Variants in SLIT3 observed in about 807,000 individuals in gnomAD.
The protein encoded by SLIT3 is slit homolog 3 protein.
A neutral mutation model predicts 184.0 loss-of-function variants in SLIT3; 68 were observed. That is an observed-to-expected ratio of 0.37 (90% CI 0.30 to 0.45). The LOEUF is 0.45. Ranked by LOEUF, SLIT3 falls within the 20% of genes least tolerant of loss-of-function variation. The probability of loss-of-function intolerance (pLI) is 1.00; values close to 1 mark genes in which losing one functional copy is unlikely to be tolerated. For synonymous variants in SLIT3, 831 were observed against 828.6 expected (o/e 1.00, Z -0.05); for missense variants, 1,707 against 2,026.0 (o/e 0.84, Z 3.02).
Position 168,774,366 on chromosome 5 carries a change from G to A in SLIT3, c.1164C>T (p.Ala388=). The A allele has an allele frequency of 4.3e-6, 7 of 1,612,156 alleles. No individual in the cohort carries two copies. The highest frequency in any genetic ancestry group is 5.9e-6 in the Non-Finnish European group (7 of 1,179,282). Residue 388 remains alanine, a synonymous_variant, in exon 13 of 36, where the codon GCC becomes GCT. Transcript: ENST00000519560. ...TCACCCGCAGGCAGTTGATCTTGTT[G>A]GCATTGAGGAGGCTGCAAACAGAAG... The part of the protein sequence containing the change: ...LVSLQLLLLN[A]NKINCLRVNT...
intron 4 of SLIT3, among the ~76,000 whole-genome samples, chr5:169,140,588 G>C (rs190739428): frequency 1.0e-4 from 15 of 150,662 alleles, no homozygotes; most frequent in Admixed American, 8.6e-4. Context: ...AGGATCACTT[G>C]AGGCCAGGAG....
chr5:168,911,126 C>T (rs1761238317), intron 4 of SLIT3, among the ~76,000 whole-genome samples: 1 of 152,204 alleles, frequency 6.6e-6, no homozygotes, highest in African/African-American at 2.4e-5. Flanking sequence ...CCTCTCTCTG[C>T]CCCTTACCCT....
intron 4 of SLIT3, among the ~76,000 whole-genome samples, chr5:168,972,470 C>T (rs1307198104): frequency 6.6e-6 from 1 of 151,604 alleles, no homozygotes; most frequent in African/African-American, 2.4e-5. Context: ...TGCTTTAGGG[C>T]CACCTTGGTG....
At chr5:168,851,644 A>T (rs1194846092) in intron 5 of SLIT3, among the ~76,000 whole-genome samples, 2 of 151,992 alleles carry the variant, frequency 1.3e-5, no homozygotes, top group African/African-American at 4.8e-5. Flanking sequence ...AGGGTTTTAT[A>T]CCTCGGTGGC....
At chr5:169,066,942 G>GAAAAAAAAAAA (rs60977256) in intron 4 of SLIT3, among the ~76,000 whole-genome samples, 1 of 80,440 alleles carries the variant, frequency 1.2e-5, no homozygotes. Context: ...TCCCTTTCCT[G>GAAAAAAAAAAA]AAAAAAAAAA....
At chr5:168,986,408 G>T (rs1166288170) in intron 4 of SLIT3, among the ~76,000 whole-genome samples, 1 of 152,114 alleles carries the variant, frequency 6.6e-6, no homozygotes, top group Non-Finnish European at 1.5e-5. Flanking sequence ...GGCCTCCATA[G>T]CCCTCCTCTC....
chr5:169,132,243 A>G (rs1183602905), intron 4 of SLIT3, among the ~76,000 whole-genome samples: 5 of 152,196 alleles, frequency 3.3e-5, no homozygotes, highest in African/African-American at 9.7e-5. Context: ...AAGAGAGCCA[A>G]GTGAAATTCC....
chr5:169,178,816 A>G (rs966306188), intron 4 of SLIT3, among the ~76,000 whole-genome samples: 1 of 152,100 alleles, frequency 6.6e-6, no homozygotes, highest in African/African-American at 2.4e-5. Flanking sequence ...TCTTTGTGAC[A>G]TGGATTAAAG....
At position 168,753,983 on chromosome 5, in the gene SLIT3, C is replaced by T. The variant is rs757569223; in HGVS notation, c.1710G>A (p.Lys570=). Residue 570 remains lysine (K), a synonymous_variant, in exon 17 of 36, where the codon AAG becomes AAA. Transcript: ENST00000519560. The stretch of plus-strand genomic sequence containing the variant: ...CATCGAAAGCTCCCTCTCGCACCTC[C>T]TTGATCTTATTGTTACTCAGATTTC... ...RKINLSNNKI[K]EVREGAFDGA... is the part of the protein sequence containing the mutation. The T allele has an allele frequency of 1.2e-6, 2 of 1,601,024 alleles. No individual in the cohort carries two copies. The highest frequency in any genetic ancestry group is 1.7e-6 in the Non-Finnish European group (2 of 1,176,166).
chr5:169,161,880 T>C (rs2113394069), intron 4 of SLIT3, among the ~76,000 whole-genome samples: 1 of 152,262 alleles, frequency 6.6e-6, no homozygotes, highest in African/African-American at 2.4e-5. Flanking sequence ...ATAGACCATC[T>C]CTGGGCTTCA....
chr5:169,149,169 A>G (rs1259325301), intron 4 of SLIT3, among the ~76,000 whole-genome samples: 1 of 152,230 alleles, frequency 6.6e-6, no homozygotes, highest in Non-Finnish European at 1.5e-5. Context: ...GGAAATTCTA[A>G]TCACACACTA....
chr5:168,902,090 C>T (rs1416986494), intron 4 of SLIT3, among the ~76,000 whole-genome samples: 3 of 152,130 alleles, frequency 2.0e-5, no homozygotes, highest in Non-Finnish European at 4.4e-5. Context: ...CGGGATTTCA[C>T]CATTTTGGCC....
chr5:169,199,780 T>G (rs1315989334), intron 3 of SLIT3, among the ~76,000 whole-genome samples: 1 of 152,208 alleles, frequency 6.6e-6, no homozygotes, highest in East Asian at 1.9e-4. Flanking sequence ...TGAGAATTCT[T>G]AATTTAGCCC....
At chr5:168,982,477 A>G (rs1036510486) in intron 4 of SLIT3, among the ~76,000 whole-genome samples, 2 of 152,248 alleles carry the variant, frequency 1.3e-5, no homozygotes, top group Admixed American at 1.3e-4. Context: ...AAGGAAATAC[A>G]TTTAATGTCT....
chr5:169,272,735 T>A (rs1766671124), intron 1 of SLIT3, among the ~76,000 whole-genome samples: 1 of 152,172 alleles, frequency 6.6e-6, no homozygotes, highest in Admixed American at 6.5e-5. Context: ...TGACCCCAGC[T>A]CCCAGGGAAA....
intron 4 of SLIT3, among the ~76,000 whole-genome samples, chr5:169,097,112 G>A (rs1023759903): frequency 1.3e-5 from 2 of 152,126 alleles, no homozygotes; most frequent in African/African-American, 4.8e-5. Context: ...CATGAACCTC[G>A]GGTTAAGATT....
chr5:168,993,092 C>G (rs75794171), intron 4 of SLIT3: 2 of 152,226 alleles, frequency 1.3e-5, no homozygotes, highest in Middle Eastern at 3.4e-3. Context: ...TTTTCAGTTC[C>G]GAAATGAAAA....
chr5:169,078,674 G>GA (rs1427409537), intron 4 of SLIT3, among the ~76,000 whole-genome samples: 3 of 152,116 alleles, frequency 2.0e-5, no homozygotes, highest in Non-Finnish European at 4.4e-5. Flanking sequence ...GAGCACTAAT[G>GA]AAAATAACTG....
intron 11 of SLIT3, among the ~76,000 whole-genome samples, chr5:168,787,312 ACC>A (rs1756189235): frequency 6.6e-6 from 1 of 152,010 alleles, no homozygotes; most frequent in African/African-American, 2.4e-5. Context: ...GGGTCCTCAC[ACC>A]ACCCGCCATG....
Sources: allele counts gnomAD v4.1 joint callset (sites outside exome capture counted in the v4.1 genomes callset), GRCh38; gene constraint gnomAD v4.1.1; transcripts MANE v1.5; gene names NCBI Gene and HGNC (gene_info 2026-07-23, HGNC 2026-07-21).